RAB11FIP3: variants seen among roughly 807,000 people sequenced by gnomAD.
RAB11FIP3 encodes the protein rab11 family-interacting protein 3.
Under a neutral mutation model 77.8 loss-of-function variants are expected in RAB11FIP3, and 17 were observed. That is an observed-to-expected ratio of 0.22 (90% confidence interval 0.15 to 0.33). The LOEUF (loss-of-function observed/expected upper bound fraction) is 0.33, where lower values mean the gene tolerates loss of function less well. Ranked by LOEUF, RAB11FIP3 falls within the 10% of genes least tolerant of loss-of-function variation. The probability of loss-of-function intolerance (pLI) is 1.00; values close to 1 mark genes in which losing one functional copy is unlikely to be tolerated. For synonymous variants in RAB11FIP3, 437 were observed against 448.2 expected (o/e 0.98, Z 0.31); for missense variants, 1,005 against 1,011.2 (o/e 0.99, Z 0.08).
At chr16:496,742 T>G in intron 5 of RAB11FIP3, 82 bp from the exon 6 acceptor site, 1 of 1,436,052 alleles carries the variant, frequency 7.0e-7, no homozygotes. Flanking sequence ...ACCTCGTATC[T>G]CCACAGCCTG....
intron 2 of RAB11FIP3, among the ~76,000 whole-genome samples, chr16:470,242 C>G (rs1348016301): frequency 6.6e-6 from 1 of 152,152 alleles, no homozygotes; most frequent in Non-Finnish European, 1.5e-5. Context: ...AAATGATCCT[C>G]CTGCCTCAGC....
rs1179486795 is a variant in RAB11FIP3 at position 471,360 on chromosome 16, G to C, written c.874G>C (p.Asp292His). The change falls in exon 3 of 14, where the codon GAC becomes CAC. Residue 292 changes from aspartate (D) to histidine (H), a missense_variant. Physicochemically the swap from Asp to His is moderately conservative, Grantham distance 81. Transcript: ENST00000262305. The surrounding 1 kb of genome is among the most constrained non-coding windows in gnomAD (Gnocchi z 4.4). ...AGATGAGGAGCCCCTGGCCTGCCCG[G>C]ACGAGTTCGATGACTTCGTCACCTA... is the stretch of plus-strand genomic sequence containing the variant. The part of the protein sequence containing the change: ...AQDEEPLACP[D>H]EFDDFVTYEA... 3 of 1,613,608 alleles carry C rather than the reference G, an allele frequency of 1.9e-6. No individual in the cohort carries two copies. The highest frequency in any genetic ancestry group is 2.5e-6 in the Non-Finnish European group (3 of 1,179,752).
Position 492,240 on chromosome 16 carries a change from C to T in RAB11FIP3, c.1265+3240C>T, listed in dbSNP as rs577784151. On this transcript the variant is annotated intron_variant, in intron 5 of 13. Coordinates refer to ENST00000262305, the MANE Select transcript of RAB11FIP3 (RefSeq NM_014700.4). ...GTGAAATGCTGTGAAGCACAGGGCC[C>T]CCAGCCAGTGCCCATTCAGGTGGAG... Among the ~76,000 whole-genome samples, 174 of 152,318 alleles carry T rather than the reference C, an allele frequency of 1.1e-3. 1 individual carries two copies. The highest frequency in any genetic ancestry group is 3.9e-3 in the African/African-American group (164 of 41,584).
At chr16:489,994 G>A (rs1033405349) in intron 5 of RAB11FIP3, among the ~76,000 whole-genome samples, 3 of 152,206 alleles carry the variant, frequency 2.0e-5, no homozygotes, top group Non-Finnish European at 2.9e-5. Flanking sequence ...CTCTCCCAGC[G>A]CGTGGTGGTG....
chr16:497,740 A>G (rs1317494667), intron 6 of RAB11FIP3, among the ~76,000 whole-genome samples: 1 of 151,958 alleles, frequency 6.6e-6, no homozygotes, highest in Admixed American at 6.6e-5. Flanking sequence ...ATCTTCCTGT[A>G]GCTTCTTGAG....
intron 1 of RAB11FIP3, among the ~76,000 whole-genome samples, chr16:446,501 G>T (rs2055319115): frequency 6.6e-6 from 1 of 152,184 alleles, no homozygotes; most frequent in Non-Finnish European, 1.5e-5. Context: ...CGGGTGGGCA[G>T]TGCAGCTGGG....
chr16:436,051 C>T (rs974751805), intron 1 of RAB11FIP3, among the ~76,000 whole-genome samples: 5 of 152,112 alleles, frequency 3.3e-5, no homozygotes, highest in Admixed American at 6.6e-5. Flanking sequence ...TGACTCACAC[C>T]TGTAATCCCA....
intron 1 of RAB11FIP3, among the ~76,000 whole-genome samples, chr16:446,536 C>T (rs939104212): frequency 6.6e-6 from 1 of 152,170 alleles, no homozygotes; most frequent in Non-Finnish European, 1.5e-5. Flanking sequence ...GGCAGGGTCA[C>T]CTGCACGTGG....
chr16:503,369 G>T (rs1178670541), intron 7 of RAB11FIP3, among the ~76,000 whole-genome samples: 1 of 152,202 alleles, frequency 6.6e-6, no homozygotes, highest in Non-Finnish European at 1.5e-5. Flanking sequence ...GCACCCTCGG[G>T]TATCCCACCC....
rs371080189 is a variant in RAB11FIP3, at chr16:452,680, C to T, written c.715-8724C>T. Among the ~76,000 whole-genome samples, 27 of 92,162 alleles carry T rather than the reference C, an allele frequency of 2.9e-4. No homozygotes were observed. The East Asian group carries it at 6.1e-3, about 21-fold the overall frequency. The allele number at this position is 92,162 out of a possible 152,430, so 60.5% of individuals were successfully genotyped here. On this transcript the variant is annotated intron_variant, in intron 1 of 13. Coordinates refer to ENST00000262305, the MANE Select transcript of RAB11FIP3 (RefSeq NM_014700.4). ...CGATCTCCTGACCTCGTGATCTGCC[C>T]GCCTCGGCCTCCCAAAGTGCTGGGA...
At chr16:515,908 C>T (rs2032393604) in intron 9 of RAB11FIP3, among the ~76,000 whole-genome samples, 1 of 152,224 alleles carries the variant, frequency 6.6e-6, no homozygotes, top group African/African-American at 2.4e-5. Context: ...CCATCCCCAC[C>T]CTAGAGGAGG....
Position 488,916 on chromosome 16 carries a change from G to C in RAB11FIP3, c.1181G>C (p.Gly394Ala). The C allele has an allele frequency of 6.2e-7, 1 of 1,614,064 alleles. No individual in the cohort carries two copies. The highest frequency in any genetic ancestry group is 8.5e-7 in the Non-Finnish European group (1 of 1,180,002). Residue 394 changes from glycine to alanine, a missense_variant, in exon 5 of 14, where the codon GGT (glycine) becomes GCT (alanine). Gly to Ala is a moderately conservative substitution (Grantham distance 60, BLOSUM62 0). Transcript: ENST00000262305. ...GGCGAGGAGCACTTTGAGGACTACG[G>C]TGAAGGCAGTGAGGCGGAGCTGTCC... Reference protein sequence around the residue: ...IGGEEHFEDYGEGSEAELSPE... With the variant: ...IGGEEHFEDYAEGSEAELSPE...
chr16:515,815 T>G (rs2032390048), intron 9 of RAB11FIP3, among the ~76,000 whole-genome samples: 1 of 151,930 alleles, frequency 6.6e-6, no homozygotes, highest in African/African-American at 2.4e-5. Flanking sequence ...GGCTCAGAAG[T>G]GGGTAGCACC....
chr16:475,042 G>A, intron 3 of RAB11FIP3: 2 of 1,551,738 alleles, frequency 1.3e-6, no homozygotes, highest in Non-Finnish European at 8.7e-7. Flanking sequence ...TGCCCTTCCT[G>A]AAGGTGTGTA....
In RAB11FIP3 at chr16:522,566, C is replaced by G. The variant is rs895124414; in HGVS notation, c.*1727C>G. Reference sequence around the variant, plus strand: ...CTGGCCCAGCTTCCCTCAAGGCGTCCGAGGCCATCAGTTGTCTGAGCTCAG... The same window carrying G: ...CTGGCCCAGCTTCCCTCAAGGCGTCGGAGGCCATCAGTTGTCTGAGCTCAG... On this transcript the variant is annotated 3_prime_UTR_variant, in exon 14 of 14. Transcript: ENST00000262305. 6.6e-6 allele frequency: 1 copy of G among 152,218 alleles called. No homozygotes were observed. Among genetic ancestry groups the G allele is most frequent in the Admixed American group, 6.5e-5 (1 of 15,288 alleles). The allele number at this position is 152,218 out of a possible 1,614,324, so 9.4% of individuals were successfully genotyped here. A position where few individuals can be genotyped will look rare whatever the true frequency, so the allele number is the denominator to read the frequency against.
chr16:459,244 A>T (rs1406600780), intron 1 of RAB11FIP3, among the ~76,000 whole-genome samples: 1 of 149,516 alleles, frequency 6.7e-6, no homozygotes, highest in Non-Finnish European at 1.5e-5. Context: ...CTCCCGCCTC[A>T]GCCTCCCGAG....
Position 437,234 on chromosome 16 carries a change from C to T in RAB11FIP3, c.714+10514C>T, listed in dbSNP as rs377112517. On this transcript the variant is annotated intron_variant, in intron 1 of 13. Transcript: ENST00000262305. ...CGGGGGTTGCAGTGAGGCAAGATCG[C>T]GCCACTGCACTCCAGCCTGGGCGAC... 7.1e-4 allele frequency among the ~76,000 whole-genome samples: 103 copies of T among 145,380 alleles called. 2 individuals carry two copies. Among genetic ancestry groups the T allele is most frequent in the South Asian group, 6.4e-3 (29 of 4,546 alleles).
intron 8 of RAB11FIP3, among the ~76,000 whole-genome samples, chr16:509,320 C>T (rs1286500104): frequency 2.0e-5 from 3 of 152,270 alleles, no homozygotes; most frequent in Non-Finnish European, 1.5e-5. Context: ...TCGCGGAGGC[C>T]GCTGGCTCGG....
intron 1 of RAB11FIP3, among the ~76,000 whole-genome samples, chr16:443,506 AACATATTGT>A (rs2141865620): frequency 6.6e-6 from 1 of 152,346 alleles, no homozygotes; most frequent in African/African-American, 2.4e-5. Flanking sequence ...AGTTTAAGTC[AACATATTGT>A]TACCACCTCT....
Sources: allele counts gnomAD v4.1 joint callset (sites outside exome capture counted in the v4.1 genomes callset), GRCh38; gene constraint gnomAD v4.1.1; non-coding constraint Gnocchi (gnomAD v3.1); transcripts MANE v1.5; gene names NCBI Gene and HGNC (gene_info 2026-07-23, HGNC 2026-07-21).